Variants in NAA15 observed in about 807,000 individuals in gnomAD.
NAA15 encodes the protein N-terminal acetyltransferase.
In NAA15, 34 loss-of-function variants were observed where a neutral mutation model predicts 114.0. The ratio of observed to expected loss-of-function variants is 0.30; its 90% CI spans 0.23 to 0.40. The LOEUF (loss-of-function observed/expected upper bound fraction) is 0.40. Ranked by LOEUF, NAA15 falls within the 10% of genes least tolerant of loss-of-function variation. The probability of loss-of-function intolerance (pLI) is 1.00; values close to 1 mark genes in which losing one functional copy is unlikely to be tolerated. For missense variants in NAA15, 658 were observed against 1,004.5 expected (o/e 0.66, Z 4.66); for synonymous variants, 340 against 338.0 (o/e 1.01, Z -0.06).
At chr4:139,359,677 T>C (rs1358407141) in intron 11 of NAA15, 66 bp from the exon 12 acceptor site, 1 of 1,462,870 alleles carries the variant, frequency 6.8e-7, no homozygotes, top group Non-Finnish European at 9.2e-7. Context: ...TATCAACAGA[T>C]AATGAATTAC....
intron 15 of NAA15, among the ~76,000 whole-genome samples, chr4:139,372,946 G>T (rs1428984584): frequency 3.3e-5 from 5 of 151,980 alleles, no homozygotes; most frequent in Non-Finnish European, 7.4e-5. Flanking sequence ...GAGTGCAGTG[G>T]CATGATCTTG....
intron 5 of NAA15, among the ~76,000 whole-genome samples, chr4:139,343,360 C>T (rs115884229): frequency 0.011 from 1,682 of 152,240 alleles, 16 homozygotes; most frequent in Non-Finnish European, 0.017. Context: ...AATTAATCCC[C>T]AGCCCATATT....
At chr4:139,314,999 A>AG (rs879295786) in intron 1 of NAA15, among the ~76,000 whole-genome samples, 365 of 24,096 alleles carry the variant, frequency 0.015, 31 homozygotes, top group African/African-American at 0.018. Flanking sequence ...AGTTCAGTTC[A>AG]GTTTAGTTTA....
chr4:139,339,208 T>G (rs1403683961), intron 3 of NAA15, among the ~76,000 whole-genome samples: 1 of 152,160 alleles, frequency 6.6e-6, no homozygotes, highest in Non-Finnish European at 1.5e-5. Flanking sequence ...TTAAAAAGAT[T>G]ATTTTGGGCC....
chr4:139,376,340 G>T (rs369539549), intron 15 of NAA15, 25 bp from the exon 16 acceptor site: 1 of 1,381,182 alleles, frequency 7.2e-7, no homozygotes, highest in Non-Finnish European at 1.0e-6. Flanking sequence ...AGTTTCATTT[G>T]TATAATATCT....
Position 139,387,886 on chromosome 4 carries a change from A to G in NAA15, c.2403A>G (p.Thr801=). ...DESLTNRNLQ[T]CMEVLEALYD... ...CATGACTTTTTTTCTTTCCTTAGACATGTATGGAGGTATTGGAAGCCTTGT... is the reference window on the plus strand; with the variant it reads ...CATGACTTTTTTTCTTTCCTTAGACGTGTATGGAGGTATTGGAAGCCTTGT... Residue 801 remains threonine, a splice_region_variant and synonymous_variant, in exon 20 of 20, where the codon ACA becomes ACG. Coordinates refer to ENST00000296543, the MANE Select transcript of NAA15 (RefSeq NM_057175.5). 1 of 1,612,812 alleles carries G rather than the reference A, an allele frequency of 6.2e-7. No homozygotes were observed. The highest frequency in any genetic ancestry group is 8.5e-7 in the Non-Finnish European group (1 of 1,179,480).
chr4:139,368,199 T>C (rs1748337988), intron 14 of NAA15, among the ~76,000 whole-genome samples: 1 of 152,250 alleles, frequency 6.6e-6, no homozygotes, highest in Non-Finnish European at 1.5e-5. Flanking sequence ...CAACCGTTTA[T>C]TATCTGACTG....
chr4:139,316,958 T>C (rs1339511125), intron 1 of NAA15, among the ~76,000 whole-genome samples: 1 of 151,108 alleles, frequency 6.6e-6, no homozygotes, highest in Non-Finnish European at 1.5e-5. Flanking sequence ...TCCCAGAAAC[T>C]GTGCCTTGCT....
chr4:139,349,624 T>G lies in NAA15; in HGVS notation c.811+43T>G, dbSNP rs760444439. On this transcript the variant is annotated intron_variant, in intron 7 of 19. Transcript: ENST00000296543. ...TTACTAAGTTTTATTGTTTCTTTTG[T>G]TAATATATATTTTATTTACTCATTG... 2.6e-6 allele frequency: 4 copies of G among 1,521,570 alleles called. No homozygotes were observed. In the African/African-American group the frequency reaches 5.7e-5, roughly 22 times the overall value. 94.3% of individuals were successfully genotyped at this position (1,521,570 alleles called of 1,614,324 possible). A position where few individuals can be genotyped will look rare whatever the true frequency, so the allele number is the denominator to read the frequency against.
rs1015661388 is a variant in NAA15, at chr4:139,377,769, A to G, written c.2057-987A>G. Among the ~76,000 whole-genome samples the G allele has an allele frequency of 1.1e-4, 17 of 152,328 alleles. No individual in the cohort carries two copies. In the East Asian group the frequency reaches 1.2e-3, roughly 10 times the overall value. ...TTTACTGTATTTTCTACTTCCCACA[A>G]TTATTATAACGTGGAAAATAAGTTT... On this transcript the variant is annotated intron_variant, in intron 16 of 19. Coordinates refer to ENST00000296543, the MANE Select transcript of NAA15 (RefSeq NM_057175.5).
At chr4:139,349,323 G>C in intron 6 of NAA15, 139 bp from the exon 7 acceptor site, 2 of 665,358 alleles carry the variant, frequency 3.0e-6, no homozygotes, top group South Asian at 2.7e-5. Context: ...ATGATCTTAA[G>C]GGAACTGGAA....
chr4:139,348,821 A>G (rs1396777522), intron 6 of NAA15, among the ~76,000 whole-genome samples: 2 of 152,222 alleles, frequency 1.3e-5, no homozygotes, highest in African/African-American at 4.8e-5. Flanking sequence ...TGGGGCTGCT[A>G]ATATCATTCA....
chr4:139,375,354 TG>T (rs1349698777), intron 15 of NAA15, among the ~76,000 whole-genome samples: 2 of 152,234 alleles, frequency 1.3e-5, no homozygotes, highest in African/African-American at 4.8e-5. Context: ...GCACTGGAGC[TG>T]GGCTTTTAAT....
At chr4:139,320,075 A>G (rs909589936) in intron 1 of NAA15, among the ~76,000 whole-genome samples, 1 of 152,146 alleles carries the variant, frequency 6.6e-6, no homozygotes, top group Non-Finnish European at 1.5e-5. Context: ...AAAGTCTTAG[A>G]TATCTCTTTC....
chr4:139,340,579 A>T (rs367672962), intron 3 of NAA15, among the ~76,000 whole-genome samples: 1 of 152,140 alleles, frequency 6.6e-6, no homozygotes, highest in Non-Finnish European at 1.5e-5. Context: ...TGAGCACTTT[A>T]TATATGTTAT....
intron 1 of NAA15, among the ~76,000 whole-genome samples, chr4:139,303,116 A>G (rs1745868522): frequency 6.6e-6 from 1 of 152,250 alleles, no homozygotes; most frequent in African/African-American, 2.4e-5. Context: ...CATATGCCCT[A>G]CAGATTTAGT....
At chr4:139,366,776 T>C (rs1295970566) in intron 14 of NAA15, among the ~76,000 whole-genome samples, 1 of 152,012 alleles carries the variant, frequency 6.6e-6, no homozygotes, top group Non-Finnish European at 1.5e-5. Context: ...GCCCAACTAA[T>C]TTAAAAATCC....
intron 1 of NAA15, among the ~76,000 whole-genome samples, chr4:139,309,886 A>C (rs1011445951): frequency 2.0e-5 from 3 of 152,182 alleles, no homozygotes; most frequent in Non-Finnish European, 4.4e-5. Flanking sequence ...GATGTGTCAA[A>C]GTCTTGCAGT....
intron 1 of NAA15, among the ~76,000 whole-genome samples, chr4:139,309,069 C>T (rs948391887): frequency 7.3e-5 from 11 of 151,524 alleles, no homozygotes; most frequent in Non-Finnish European, 1.2e-4. Flanking sequence ...GAGTGAGGGC[C>T]GGGCACAGTG....
Sources: gnomAD v4.1 joint callset for allele counts (sites outside exome capture counted in the v4.1 genomes callset) on GRCh38, gnomAD v4.1.1 for gene constraint, MANE v1.5 for transcripts, NCBI Gene and HGNC (gene_info 2026-07-23, HGNC 2026-07-21) for gene names.